Variants in TRPC4 observed in about 807,000 individuals in gnomAD.
The protein encoded by TRPC4 is short transient receptor potential channel 4.
In TRPC4, 49 loss-of-function variants were observed where a neutral mutation model predicts 99.4. The ratio of observed to expected loss-of-function variants is 0.49; its 90% confidence interval spans 0.39 to 0.63. TRPC4 has a LOEUF of 0.63. Among genes scored for constraint, TRPC4 ranks in the 20% least tolerant of loss-of-function variants. The pLI is 0.00. For synonymous variants in TRPC4, 454 were observed against 425.9 expected, an observed-to-expected ratio of 1.07 and a Z score of -0.81; for missense variants, 898 against 1,152.9, an observed-to-expected ratio of 0.78 and a Z score of 3.20.
At chr13:37,642,535 C>A (rs1386703916) in intron 8 of TRPC4, among the ~76,000 whole-genome samples, 1 of 152,008 alleles carries the variant, frequency 6.6e-6, no homozygotes, top group African/African-American at 2.4e-5. Flanking sequence ...TCTTCAGGGA[C>A]TCAGGATGAT....
chr13:37,714,036 C>A (rs1386150448), intron 3 of TRPC4, among the ~76,000 whole-genome samples: 1 of 151,498 alleles, frequency 6.6e-6, no homozygotes, highest in Non-Finnish European at 1.5e-5. Context: ...CCCAAGCTTG[C>A]TTCCTTCCTT....
rs571072203 is a variant in TRPC4 at position 37,867,448 on chromosome 13, C to G, written c.-28+2147G>C. Among the ~76,000 whole-genome samples, 5 of 151,440 alleles carry G rather than the reference C, an allele frequency of 3.3e-5. No individual in the cohort carries two copies. In the East Asian group the frequency reaches 7.8e-4, roughly 24 times the overall value. ...AACAGACTATTTCCAAAAATATACACTTAAAAGTAGTTTTAATTCAGTGGG... is the reference window on the plus strand; with the variant it reads ...AACAGACTATTTCCAAAAATATACAGTTAAAAGTAGTTTTAATTCAGTGGG... On this transcript the variant is annotated intron_variant, in intron 1 of 10. Transcript: ENST00000379705.
At chr13:37,806,732 C>T (rs1957537595) in intron 1 of TRPC4, among the ~76,000 whole-genome samples, 1 of 152,078 alleles carries the variant, frequency 6.6e-6, no homozygotes, top group Admixed American at 6.6e-5. Flanking sequence ...CGAAGCAAAA[C>T]TGAGAGGTCA....
At chr13:37,809,264 A>G (rs1957611219) in intron 1 of TRPC4, among the ~76,000 whole-genome samples, 1 of 152,080 alleles carries the variant, frequency 6.6e-6, no homozygotes, top group Non-Finnish European at 1.5e-5. Context: ...TAGAATAAGC[A>G]AAATAAAGAG....
chr13:37,746,274 A>G lies in TRPC4; in HGVS notation c.560T>C (p.Val187Ala). ...NCVECVSSSDVDSLRHSRSRL... is the reference protein window; with the variant it reads ...NCVECVSSSDADSLRHSRSRL... ...GGAGCGTGAGTGACGGAGGCTGTCC[A>G]CATCTGAACTGGACACGCATTCCAC... Residue 187 changes from valine (V) to alanine (A), a missense_variant, in exon 3 of 11, where the codon GTG becomes GCG. Val to Ala is a moderately conservative substitution (Grantham distance 64). Around this residue, in one of 3 missense-constraint regions of TRPC4, gnomAD observed 278 missense variants for 346.6 expected, o/e 0.80. Coordinates refer to ENST00000379705, the MANE Select transcript of TRPC4 (RefSeq NM_016179.4). 6.2e-7 allele frequency: 1 copy of G among 1,613,844 alleles called. No individual in the cohort carries two copies. Among genetic ancestry groups the G allele is most frequent in the Non-Finnish European group, 8.5e-7 (1 of 1,179,884 alleles).
intron 4 of TRPC4, among the ~76,000 whole-genome samples, chr13:37,684,606 C>A (rs1396562350): frequency 6.6e-6 from 1 of 151,940 alleles, no homozygotes; most frequent in Admixed American, 6.6e-5. Context: ...AATATTTCTC[C>A]AATTCCTTGT....
At chr13:37,833,110 C>A (rs533370086) in intron 1 of TRPC4, among the ~76,000 whole-genome samples, 5 of 152,010 alleles carry the variant, frequency 3.3e-5, no homozygotes, top group African/African-American at 7.2e-5. Context: ...TGATTTGGTG[C>A]TTTTGCTTCA....
chr13:37,740,519 A>G (rs1955550038), intron 3 of TRPC4, among the ~76,000 whole-genome samples: 1 of 152,188 alleles, frequency 6.6e-6, no homozygotes, highest in Non-Finnish European at 1.5e-5. Flanking sequence ...AGGCAGTTTT[A>G]AGAAGACACA....
chr13:37,755,764 T>C (rs1956081036), intron 2 of TRPC4, among the ~76,000 whole-genome samples: 1 of 152,174 alleles, frequency 6.6e-6, no homozygotes, highest in Admixed American at 6.6e-5. Context: ...AAGGGGCATT[T>C]GTTATATGCA....
chr13:37,825,702 C>T (rs1206907276), intron 1 of TRPC4, among the ~76,000 whole-genome samples: 2 of 145,134 alleles, frequency 1.4e-5, no homozygotes, highest in Admixed American at 7.0e-5. Flanking sequence ...AGTATGTGGT[C>T]AATTTTGGAA....
intron 3 of TRPC4, among the ~76,000 whole-genome samples, chr13:37,727,950 T>G (rs1042360111): frequency 1.3e-5 from 2 of 152,080 alleles, no homozygotes; most frequent in African/African-American, 4.8e-5. Context: ...ATCATACTAT[T>G]TTCTCAATTG....
chr13:37,655,140 A>G lies in TRPC4; in HGVS notation c.1832T>C (p.Val611Ala). The change falls in exon 7 of 11, where the codon GTT (valine) becomes GCT (alanine). Residue 611 changes from valine to alanine, a missense_variant. Physicochemically the swap from Val to Ala is moderately conservative, Grantham distance 64 (BLOSUM62 0). This residue lies in a region of TRPC4 where 274 missense variants were observed against 454.9 expected (regional missense o/e 0.60). Coordinates refer to ENST00000379705, the MANE Select transcript of TRPC4 (RefSeq NM_016179.4). ...FGTYNVISLV[V>A]LLNMLIAMMN... ...CATAGCTATTAACATGTTGAGTAGA[A>G]CAACCAGAGAGATGACATTGTATGT... is the stretch of plus-strand genomic sequence containing the variant. 1 of 1,600,472 alleles carries G rather than the reference A, an allele frequency of 6.2e-7. No individual in the cohort carries two copies. Among genetic ancestry groups the G allele is most frequent in the Non-Finnish European group, 8.5e-7 (1 of 1,172,544 alleles).
rs542877216 is a variant in TRPC4 at position 37,769,162 on chromosome 13, G to A, written c.378+13794C>T. Among the ~76,000 whole-genome samples the A allele has an allele frequency of 1.8e-4, 28 of 151,456 alleles. No individual in the cohort carries two copies. The East Asian group carries it at 4.9e-3, about 26-fold the overall frequency. ...AAACTATAATCCACTGAAAAGTAAA[G>A]AAAAATAATTTAAAATATTTTTTAT... On this transcript the variant is annotated intron_variant, in intron 2 of 10. Coordinates refer to ENST00000379705, the MANE Select transcript of TRPC4 (RefSeq NM_016179.4).
rs912461472 is a variant in TRPC4, at chr13:37,657,177, G to A, written c.1689-1894C>T. On this transcript the variant is annotated intron_variant, in intron 6 of 10. Coordinates refer to ENST00000379705, the MANE Select transcript of TRPC4 (RefSeq NM_016179.4). ...TTATTTTCTAGACCTGTAAAATGACGGAACAACAGATTATTGTGAAGGAGA... is the reference window on the plus strand; with the variant it reads ...TTATTTTCTAGACCTGTAAAATGACAGAACAACAGATTATTGTGAAGGAGA... Among the ~76,000 whole-genome samples, 5 of 152,142 alleles carry A rather than the reference G, an allele frequency of 3.3e-5. No individual in the cohort carries two copies. The South Asian group carries it at 6.2e-4, about 19-fold the overall frequency.
intron 1 of TRPC4, among the ~76,000 whole-genome samples, chr13:37,843,418 C>T (rs1958797095): frequency 6.6e-6 from 1 of 152,122 alleles, no homozygotes; most frequent in Admixed American, 6.5e-5. Context: ...CATTAAAAGT[C>T]AGTTAGCAAC....
intron 3 of TRPC4, among the ~76,000 whole-genome samples, chr13:37,709,113 G>A (rs1399411141): frequency 6.6e-6 from 1 of 151,812 alleles, no homozygotes; most frequent in Non-Finnish European, 1.5e-5. Flanking sequence ...AAAAACACTG[G>A]GGATGAACTT....
At chr13:37,679,221 C>T (rs1953155345) in intron 4 of TRPC4, among the ~76,000 whole-genome samples, 1 of 151,906 alleles carries the variant, frequency 6.6e-6, no homozygotes, top group African/African-American at 2.4e-5. Context: ...GATATCAGGG[C>T]CGTAGTTTGC....
intron 4 of TRPC4, among the ~76,000 whole-genome samples, chr13:37,678,028 C>T (rs1322193643): frequency 3.3e-5 from 5 of 152,026 alleles, no homozygotes; most frequent in East Asian, 3.9e-4. Flanking sequence ...TATTATCTTT[C>T]GGCTCAAATA....
At chr13:37,858,257 A>T (rs1959190615) in intron 1 of TRPC4, among the ~76,000 whole-genome samples, 1 of 151,718 alleles carries the variant, frequency 6.6e-6, no homozygotes, top group Admixed American at 6.6e-5. Context: ...TTCAAAAGGC[A>T]GACAATAACA....
Sources: gnomAD v4.1 joint callset for allele counts (sites outside exome capture counted in the v4.1 genomes callset) on GRCh38, gnomAD v4.1.1 for gene constraint, gnomAD v4.1.1 regional missense constraint, MANE v1.5 for transcripts, NCBI Gene and HGNC (gene_info 2026-07-23, HGNC 2026-07-21) for gene names.